Variants in C12orf42 observed in about 807,000 individuals in gnomAD.
The protein encoded by C12orf42 is chromosome 12 open reading frame 42, also known as uncharacterized protein C12orf42.
A neutral mutation model predicts 21.6 loss-of-function variants in C12orf42; 25 were observed. The observed-to-expected ratio is 1.16, with a 90% CI of 0.84 to 1.62. The LOEUF (loss-of-function observed/expected upper bound fraction) is 1.62, where lower values mean the gene tolerates loss of function less well. Ranked by LOEUF, C12orf42 falls within the 40% of genes most tolerant of loss-of-function variation. The pLI is 0.00. For missense variants in C12orf42, 483 were observed against 459.3 expected (o/e 1.05, Z -0.47); for synonymous variants, 174 against 175.0 (o/e 0.99, Z 0.05).
intron 2 of C12orf42, among the ~76,000 whole-genome samples, chr12:103,435,379 C>G (rs1226677829): frequency 6.6e-6 from 1 of 152,204 alleles, no homozygotes; most frequent in Non-Finnish European, 1.5e-5. Context: ...TCCTCACCAG[C>G]AACGGAACAA....
At chr12:103,299,186 A>T (rs929977725), downstream of C12orf42, among the ~76,000 whole-genome samples, 2 of 152,084 alleles carry the variant, frequency 1.3e-5, no homozygotes, top group Admixed American at 1.3e-4. Context: ...TTTTTAAAAA[A>T]ATATTTGTAT....
intron 2 of C12orf42, among the ~76,000 whole-genome samples, chr12:103,404,014 C>G (rs1242759339): frequency 6.6e-6 from 1 of 152,200 alleles, no homozygotes; most frequent in African/African-American, 2.4e-5. Flanking sequence ...AGTGTACCAC[C>G]TGACCATCTA....
rs189870407 is a variant in C12orf42 at position 103,404,504 on chromosome 12, C to T, written c.79-2829G>A. Among the ~76,000 whole-genome samples, 364 of 152,214 alleles carry T rather than the reference C, an allele frequency of 2.4e-3. 3 individuals carry two copies. The highest frequency in any genetic ancestry group is 1.5e-3 in the Non-Finnish European group (105 of 68,008). Reference sequence around the variant, plus strand: ...TATAATGAAGGTTGCTAAATGAAAGCAAAATTAAACCAGGGAATTTTGGAC... The same window carrying T: ...TATAATGAAGGTTGCTAAATGAAAGTAAAATTAAACCAGGGAATTTTGGAC... On this transcript the variant is annotated intron_variant, in intron 2 of 5. Coordinates refer to ENST00000548883, the MANE Select transcript of C12orf42 (RefSeq NM_198521.5).
chr12:103,179,031 T>C, the C12orf42 span, among the ~76,000 whole-genome samples: 1 of 152,230 alleles, frequency 6.6e-6, no homozygotes, highest in African/African-American at 2.4e-5. Context: ...TATTTAGAAG[T>C]AATTACCCCA....
chr12:103,461,146 G>A (rs1952673125), intron 2 of C12orf42, among the ~76,000 whole-genome samples: 1 of 152,122 alleles, frequency 6.6e-6, no homozygotes, highest in Non-Finnish European at 1.5e-5. Context: ...ATTGAATTAT[G>A]GTGAAATTTT....
chr12:103,420,607 G>A (rs1369992270), intron 2 of C12orf42, among the ~76,000 whole-genome samples: 6 of 151,818 alleles, frequency 4.0e-5, no homozygotes, highest in Admixed American at 3.9e-4. Flanking sequence ...TCTGCTCACT[G>A]CAACCTCCGC....
intron 4 of C12orf42, among the ~76,000 whole-genome samples, chr12:103,292,645 A>G (rs1049141486): frequency 2.0e-5 from 3 of 152,090 alleles, no homozygotes; most frequent in Non-Finnish European, 4.4e-5. Flanking sequence ...TTTTGAGTAA[A>G]TATGAATTAT....
intron 4 of C12orf42, among the ~76,000 whole-genome samples, chr12:103,325,275 T>C (rs1404779138): frequency 1.3e-5 from 2 of 152,222 alleles, no homozygotes; most frequent in Non-Finnish European, 2.9e-5. Flanking sequence ...GACGTTCTTG[T>C]GGCAAAGCAA....
At chr12:103,464,806 C>T (rs1216068731) in intron 2 of C12orf42, among the ~76,000 whole-genome samples, 1 of 152,122 alleles carries the variant, frequency 6.6e-6, no homozygotes, top group Non-Finnish European at 1.5e-5. Context: ...CTCCCAGCAC[C>T]ATTTATTAAA....
chr12:103,106,474 T>TA, the C12orf42 span, among the ~76,000 whole-genome samples: 7 of 152,120 alleles, frequency 4.6e-5, no homozygotes, highest in African/African-American at 1.2e-4. Context: ...TGGGTTTGTT[T>TA]AAAAAAATAT....
chr12:103,322,937 C>T (rs2040327159), intron 4 of C12orf42, among the ~76,000 whole-genome samples: 1 of 152,154 alleles, frequency 6.6e-6, no homozygotes, highest in Admixed American at 6.5e-5. Flanking sequence ...AACAATAATG[C>T]ATGATTGCAT....
At chr12:103,459,798 G>C (rs1027956931) in intron 2 of C12orf42, among the ~76,000 whole-genome samples, 2 of 152,182 alleles carry the variant, frequency 1.3e-5, no homozygotes, top group African/African-American at 4.8e-5. Context: ...GAAGCACACT[G>C]TGTAGACAGA....
the C12orf42 span, among the ~76,000 whole-genome samples, chr12:103,520,551 C>G: frequency 2.0e-5 from 3 of 151,308 alleles, no homozygotes; most frequent in Non-Finnish European, 1.5e-5. Context: ...ACAACAACAA[C>G]AACAAATCTT....
chr12:103,409,572 T>TA (rs1222906384), intron 2 of C12orf42, among the ~76,000 whole-genome samples: 3 of 151,864 alleles, frequency 2.0e-5, no homozygotes, highest in Admixed American at 6.6e-5. Flanking sequence ...TTGATACCCA[T>TA]AAAAAAAACT....
intron 2 of C12orf42, among the ~76,000 whole-genome samples, chr12:103,452,232 T>G (rs1168134756): frequency 6.6e-6 from 1 of 152,024 alleles, no homozygotes; most frequent in African/African-American, 2.4e-5. Flanking sequence ...TAGGCTAGCC[T>G]GGGGTTGTTT....
chr12:103,258,178 A>G (rs1376836390), intron 10 of C12orf42, among the ~76,000 whole-genome samples: 1 of 152,124 alleles, frequency 6.6e-6, no homozygotes, highest in Admixed American at 6.6e-5. Context: ...ATATTATCCC[A>G]GTGAGCCCTT....
intron 10 of C12orf42, among the ~76,000 whole-genome samples, chr12:103,253,805 C>T (rs2034423576): frequency 6.7e-6 from 1 of 149,624 alleles, no homozygotes; most frequent in Non-Finnish European, 1.5e-5. Context: ...TGATAAACAA[C>T]TTTGTCCACT....
At chr12:103,337,123 G>A (rs1234148575) in intron 4 of C12orf42, among the ~76,000 whole-genome samples, 1 of 152,186 alleles carries the variant, frequency 6.6e-6, no homozygotes, top group African/African-American at 2.4e-5. Flanking sequence ...GTTCTGAGTG[G>A]TCTATGATCA....
At chr12:103,200,256 CT>C in the C12orf42 span, among the ~76,000 whole-genome samples, 1 of 152,064 alleles carries the variant, frequency 6.6e-6, no homozygotes, top group Non-Finnish European at 1.5e-5. Context: ...CATGACACCC[CT>C]TATATGATAA....
Sources: gnomAD v4.1 joint callset for allele counts (sites outside exome capture counted in the v4.1 genomes callset) on GRCh38, gnomAD v4.1.1 for gene constraint, MANE v1.5 for transcripts, NCBI Gene and HGNC (gene_info 2026-07-23, HGNC 2026-07-21) for gene names.